The following CLASP1 variants were observed in gnomAD, a reference collection of about 807,000 sequenced individuals.
The protein encoded by CLASP1 is cytoplasmic linker associated protein 1, also known as CLIP-associating protein 1.
Under a neutral mutation model 192.3 loss-of-function variants are expected in CLASP1, and 38 were observed. The ratio of observed to expected loss-of-function variants is 0.20; its 90% CI spans 0.15 to 0.26. The LOEUF is 0.26. Among genes scored for constraint, CLASP1 ranks in the 10% least tolerant of loss-of-function variants. The probability of loss-of-function intolerance (pLI) is 1.00; values close to 1 mark genes in which losing one functional copy is unlikely to be tolerated. For synonymous variants in CLASP1, 691 were observed against 712.8 expected (o/e 0.97, Z 0.49); for missense variants, 1,433 against 1,932.5 (o/e 0.74, Z 4.85).
At chr2:121,473,851 C>T (rs551387722) in intron 8 of CLASP1, among the ~76,000 whole-genome samples, 55 of 152,180 alleles carry the variant, frequency 3.6e-4, no homozygotes, top group African/African-American at 1.2e-3. Context: ...ATTCTATATC[C>T]AGTGAAAACA....
intron 1 of CLASP1, among the ~76,000 whole-genome samples, chr2:121,636,767 T>C (rs1211372597): frequency 1.3e-5 from 2 of 152,166 alleles, no homozygotes; most frequent in Admixed American, 6.6e-5. Context: ...CCAAATACCA[T>C]GTGTCACACA....
chr2:121,530,133 AG>A (rs1384899768), intron 3 of CLASP1, 113 bp downstream of exon 3: 23 of 598,142 alleles, frequency 3.8e-5, no homozygotes, highest in South Asian at 3.2e-4. Flanking sequence ...AGGGAGGGAG[AG>A]GGGGCTGGAG....
chr2:121,506,041 T>A (rs572973575), intron 7 of CLASP1, among the ~76,000 whole-genome samples: 32 of 152,260 alleles, frequency 2.1e-4, no homozygotes, highest in Non-Finnish European at 3.4e-4. Context: ...AAAGTTTTTT[T>A]AAAAATGTCA....
At chr2:121,578,247 G>A (rs2060739427) in intron 2 of CLASP1, among the ~76,000 whole-genome samples, 1 of 151,700 alleles carries the variant, frequency 6.6e-6, no homozygotes, top group African/African-American at 2.4e-5. Flanking sequence ...TAGAAAAGAT[G>A]AAAAACAAAG....
intron 2 of CLASP1, among the ~76,000 whole-genome samples, chr2:121,534,447 G>C (rs2094985573): frequency 6.6e-6 from 1 of 152,224 alleles, no homozygotes; most frequent in Admixed American, 6.5e-5. Context: ...GCCCTGAGCA[G>C]ATAAAAACAC....
chr2:121,438,162 T>C (rs984024101), intron 19 of CLASP1, among the ~76,000 whole-genome samples: 4 of 152,164 alleles, frequency 2.6e-5, no homozygotes, highest in Admixed American at 2.6e-4. Context: ...GATTTGAGAG[T>C]AGCTTCCTCT....
intron 7 of CLASP1, among the ~76,000 whole-genome samples, chr2:121,508,665 A>G (rs894821817): frequency 1.3e-5 from 2 of 152,194 alleles, no homozygotes; most frequent in African/African-American, 4.8e-5. Flanking sequence ...CCAAGGCTGA[A>G]CTAGAGCTTA....
intron 8 of CLASP1, among the ~76,000 whole-genome samples, chr2:121,495,489 C>T (rs971764215): frequency 4.6e-5 from 7 of 151,278 alleles, no homozygotes; most frequent in Non-Finnish European, 8.8e-5. Context: ...GGTGAAACCC[C>T]GTCTCTACTA....
chr2:121,526,035 C>G (rs564856638), intron 5 of CLASP1, 115 bp from the exon 6 acceptor site: 4 of 709,810 alleles, frequency 5.6e-6, no homozygotes, highest in Non-Finnish European at 1.0e-5. Context: ...CCACCTCATA[C>G]CAAGTCTCTC....
At chr2:121,455,172 G>T (rs114940985) in intron 14 of CLASP1, among the ~76,000 whole-genome samples, 56 of 152,276 alleles carry the variant, frequency 3.7e-4, no homozygotes, top group Non-Finnish European at 6.3e-4. Context: ...ACACAGTAAG[G>T]AATTACATTT....
chr2:121,542,304 T>C (rs1205111326), intron 2 of CLASP1, among the ~76,000 whole-genome samples: 1 of 152,234 alleles, frequency 6.6e-6, no homozygotes, highest in Admixed American at 6.5e-5. Flanking sequence ...ACACACTGTA[T>C]ACTATACTGT....
chr2:121,488,849 T>C (rs1027667560), intron 8 of CLASP1, among the ~76,000 whole-genome samples: 1 of 152,222 alleles, frequency 6.6e-6, no homozygotes, highest in Non-Finnish European at 1.5e-5. Flanking sequence ...CTGCAGTTAC[T>C]GAGGGTAAAA....
At chr2:121,425,644 G>A (rs2080257003) in intron 21 of CLASP1, among the ~76,000 whole-genome samples, 1 of 152,030 alleles carries the variant, frequency 6.6e-6, no homozygotes, top group Non-Finnish European at 1.5e-5. Flanking sequence ...TGCTAGAAGA[G>A]CAGAAGTAGA....
At chr2:121,388,208 G>A in intron 30 of CLASP1, 1 of 226,094 alleles carries the variant, frequency 4.4e-6, no homozygotes, top group Non-Finnish European at 8.6e-6. Flanking sequence ...TGGTTAAGTA[G>A]GTAAATGAAA....
chr2:121,342,348 G>A (rs2062885839), intron 39 of CLASP1, among the ~76,000 whole-genome samples: 1 of 152,078 alleles, frequency 6.6e-6, no homozygotes, highest in African/African-American at 2.4e-5. Flanking sequence ...GAACTCGTGG[G>A]CTCAAGCAAT....
intron 32 of CLASP1, among the ~76,000 whole-genome samples, chr2:121,385,538 C>T (rs1318547227): frequency 6.6e-6 from 1 of 152,208 alleles, no homozygotes; most frequent in African/African-American, 2.4e-5. Context: ...TGGAGACTGA[C>T]TTAGCCAGTT....
exon 7 of CLASP1, chr2:121,515,701 C>T: frequency 6.2e-7 from 1 of 1,613,948 alleles, no homozygotes; most frequent in Non-Finnish European, 8.5e-7. Flanking sequence ...GAGATCTGCC[C>T]TCACACGTTC....
chr2:121,538,992 T>C (rs370775051), intron 2 of CLASP1, among the ~76,000 whole-genome samples: 21 of 152,198 alleles, frequency 1.4e-4, no homozygotes, highest in South Asian at 1.0e-3. Context: ...CAAAAAGCTA[T>C]GTAACAATTT....
chr2:121,414,477 C>G (rs1046868277), intron 23 of CLASP1, among the ~76,000 whole-genome samples: 1 of 152,132 alleles, frequency 6.6e-6, no homozygotes, highest in Non-Finnish European at 1.5e-5. Flanking sequence ...ACTCGGACTC[C>G]AGGGTTATAT....
Sources: allele counts gnomAD v4.1 joint callset (sites outside exome capture counted in the v4.1 genomes callset), GRCh38; gene constraint gnomAD v4.1.1; transcripts MANE v1.5; gene names NCBI Gene and HGNC (gene_info 2026-07-23, HGNC 2026-07-21).